IKBKE: variants seen among roughly 807,000 people sequenced by gnomAD.
The protein encoded by IKBKE is inhibitor of nuclear factor kappa B kinase subunit epsilon, also known as inhibitor of nuclear factor kappa-B kinase subunit epsilon.
IKBKE carries 45 observed loss-of-function variants against 92.1 expected under a neutral mutation model. The ratio of observed to expected loss-of-function variants is 0.49; its 90% CI spans 0.38 to 0.63. The LOEUF (loss-of-function observed/expected upper bound fraction) is 0.63, where lower values mean the gene tolerates loss of function less well. IKBKE is among the 20% of genes least tolerant of loss of function. IKBKE has a pLI of 0.00. For missense variants in IKBKE, 700 were observed against 932.8 expected (o/e 0.75, Z 3.25); for synonymous variants, 374 against 380.3 (o/e 0.98, Z 0.19).
chr1:206,476,185 C>G lies in IKBKE; in HGVS notation c.363C>G (p.Ala121=), dbSNP rs1136841. The change falls in exon 6 of 22, where the codon GCC becomes GCG. Residue 121 remains alanine (A), a synonymous_variant. Transcript: ENST00000581977. This position sits in a 1 kb window ranked among gnomAD's most constrained non-coding sequence, Gnocchi z 5.1. ...GGCCTCCCCGTCTGTCCCCAGTGGC[C>G]GGCATGAACCACCTGCGGGAGAACG... The part of the protein sequence containing the change: ...EFLVVLRCVV[A]GMNHLRENGI... 6.2e-7 allele frequency: 1 copy of G among 1,613,920 alleles called. No individual in the cohort carries two copies. The highest frequency in any genetic ancestry group is 8.5e-7 in the Non-Finnish European group (1 of 1,180,000).
intron 21 of IKBKE, among the ~76,000 whole-genome samples, chr1:206,494,592 CTTTTTTTTTTTTTTTTTTTT>C (rs58971788): frequency 1.6e-5 from 1 of 63,900 alleles, no homozygotes; most frequent in Non-Finnish European, 3.0e-5. Flanking sequence ...AAAGTTCTTT[CTTTTTTTTTTTTTTTTTTTT>C]TTTTTTTTTG....
chr1:206,493,892 C>A, intron 20 of IKBKE, 28 bp from the exon 21 acceptor site: 1 of 1,607,450 alleles, frequency 6.2e-7, no homozygotes, highest in Non-Finnish European at 8.5e-7. Context: ...CCAGCCTCAG[C>A]CGCCTCTCCT....
At chr1:206,489,978 T>G (rs1475912881) in intron 16 of IKBKE, among the ~76,000 whole-genome samples, 1 of 152,174 alleles carries the variant, frequency 6.6e-6, no homozygotes, top group Non-Finnish European at 1.5e-5. Context: ...CTCTCTCGCA[T>G]GAGCCTCACG....
At position 206,476,164 on chromosome 1, in the gene IKBKE, T is replaced by C. The variant is rs781806453; in HGVS notation, c.359-17T>C. Reference sequence around the variant, plus strand: ...CCCCGACCAGAGCCAGCTAGTGGCCTCCCCGTCTGTCCCCAGTGGCCGGCA... The same window carrying C: ...CCCCGACCAGAGCCAGCTAGTGGCCCCCCCGTCTGTCCCCAGTGGCCGGCA... On this transcript the variant is annotated splice_polypyrimidine_tract_variant and intron_variant, in intron 5 of 21. Transcript: ENST00000581977. The surrounding 1 kb of genome is among the most constrained non-coding windows in gnomAD (Gnocchi z 5.1). 5.6e-6 allele frequency: 9 copies of C among 1,613,082 alleles called. No individual in the cohort carries two copies. Among genetic ancestry groups the C allele is most frequent in the Non-Finnish European group, 7.6e-6 (9 of 1,179,772 alleles).
intron 10 of IKBKE, 125 bp from the exon 11 acceptor site, chr1:206,479,745 G>T: frequency 3.9e-6 from 4 of 1,031,924 alleles, no homozygotes; most frequent in Non-Finnish European, 5.9e-6. Flanking sequence ...GGGAGGCTCA[G>T]GGTGAGTTGT....
At position 206,479,013 on chromosome 1, in the gene IKBKE, G is replaced by A; in HGVS notation, c.1063G>A (p.Glu355Lys). ...VAPRHQEYLFEGHLCVLEPSV... is the reference protein window; with the variant it reads ...VAPRHQEYLFKGHLCVLEPSV... ...CCCCCGACACCAGGAGTACCTCTTT[G>A]AGGGTCACCTCTGTGTCCTCGAGCC... Residue 355 changes from glutamate (E) to lysine (K), a missense_variant, in exon 10 of 22, where the codon GAG becomes AAG. By Grantham distance (56) the Glu-to-Lys change is moderately conservative. Coordinates refer to ENST00000581977, the MANE Select transcript of IKBKE (RefSeq NM_014002.4). 1 of 1,614,070 alleles carries A rather than the reference G, an allele frequency of 6.2e-7. No homozygotes were observed. The highest frequency in any genetic ancestry group is 1.1e-5 in the South Asian group (1 of 91,076).
chr1:206,478,016 C>A lies in IKBKE; in HGVS notation c.813-144C>A. ...CATCTGGTTGCTGGAACGAGTTCTTCCAGCTCTTCCTCCCCAACCCACCCT... is the reference window on the plus strand; with the variant it reads ...CATCTGGTTGCTGGAACGAGTTCTTACAGCTCTTCCTCCCCAACCCACCCT... On this transcript the variant is annotated intron_variant, in intron 8 of 21. Transcript: ENST00000581977. The surrounding 1 kb of genome is among the most constrained non-coding windows in gnomAD (Gnocchi z 4.8). 1.2e-6 allele frequency: 1 copy of A among 830,706 alleles called. No individual in the cohort carries two copies. Among genetic ancestry groups the A allele is most frequent in the South Asian group, 1.6e-5 (1 of 60,780 alleles). 51.5% of individuals were successfully genotyped at this position (830,706 alleles called of 1,614,324 possible).
chr1:206,479,838 G>A (rs782254942), intron 10 of IKBKE, 32 bp from the exon 11 acceptor site: 1 of 1,610,936 alleles, frequency 6.2e-7, no homozygotes, highest in Non-Finnish European at 8.5e-7. Flanking sequence ...CACCATACAG[G>A]CAGGCCCCTC....
intron 2 of IKBKE, among the ~76,000 whole-genome samples, chr1:206,472,583 A>ACT (rs150328201): frequency 0.27 from 40,072 of 146,554 alleles, 5,920 homozygotes; most frequent in Non-Finnish European, 0.35. Flanking sequence ...ACACACACAC[A>ACT]CTCTCACACA....
chr1:206,492,516 G>T (rs781862896), intron 18 of IKBKE: 21 of 471,270 alleles, frequency 4.5e-5, no homozygotes, highest in Non-Finnish European at 8.4e-5. Context: ...TTGGATGTCA[G>T]TGTAGTACAG....
chr1:206,493,251 A>G lies in IKBKE; in HGVS notation c.1933-15A>G, dbSNP rs17024884. The G allele has an allele frequency of 5.2e-3, 8,380 of 1,609,204 alleles. 125 individuals are homozygous for G. In the African/African-American group the frequency reaches 0.057, roughly 11 times the overall value. On this transcript the variant is annotated splice_polypyrimidine_tract_variant and intron_variant, in intron 19 of 21. Coordinates refer to ENST00000581977, the MANE Select transcript of IKBKE (RefSeq NM_014002.4). ...CTGGCTACTAATTGCTGACCAAAGTATGGCTTCCCTGCAGCTCCTGGAAGA... is the reference window on the plus strand; with the variant it reads ...CTGGCTACTAATTGCTGACCAAAGTGTGGCTTCCCTGCAGCTCCTGGAAGA...
Position 206,485,033 on chromosome 1 carries a change from A to G in IKBKE, c.1464A>G (p.Glu488=). The part of the protein sequence containing the change: ...SSVAGTPEIQ[E]LKAAAELRSR... ...TGGCTGGAACGCCTGAGATCCAGGAACTGAAGGCGGCTGCAGAACTGAGGT... is the reference window on the plus strand; with the variant it reads ...TGGCTGGAACGCCTGAGATCCAGGAGCTGAAGGCGGCTGCAGAACTGAGGT... The change falls in exon 14 of 22, where the codon GAA becomes GAG. Residue 488 remains glutamate (E), a synonymous_variant. Coordinates refer to ENST00000581977, the MANE Select transcript of IKBKE (RefSeq NM_014002.4). This position sits in a 1 kb window ranked among gnomAD's most constrained non-coding sequence, Gnocchi z 5.0. The G allele has an allele frequency of 6.2e-7, 1 of 1,614,166 alleles. No homozygotes were observed. The highest frequency in any genetic ancestry group is 1.1e-5 in the South Asian group (1 of 91,082).
chr1:206,476,985 T>A lies in IKBKE; in HGVS notation c.701+147T>A. 1.2e-6 allele frequency: 1 copy of A among 822,832 alleles called. No homozygotes were observed. Among genetic ancestry groups the A allele is most frequent in the South Asian group, 1.8e-5 (1 of 56,014 alleles). 51.0% of individuals were successfully genotyped at this position (822,832 alleles called of 1,614,324 possible). On this transcript the variant is annotated intron_variant, in intron 7 of 21. Coordinates refer to ENST00000581977, the MANE Select transcript of IKBKE (RefSeq NM_014002.4). This position sits in a 1 kb window ranked among gnomAD's most constrained non-coding sequence, Gnocchi z 5.1. ...CAACCCAGGCTCTTTGTAGATCTTTTTTTGTTAATGGGATCAAACAAGCAG... is the reference window on the plus strand; with the variant it reads ...CAACCCAGGCTCTTTGTAGATCTTTATTTGTTAATGGGATCAAACAAGCAG...
rs782312470 is a variant in IKBKE, at chr1:206,479,862, G to C, written c.1184-8G>C. The C allele has an allele frequency of 1.2e-5, 19 of 1,613,616 alleles. No homozygotes were observed. The highest frequency in any genetic ancestry group is 1.5e-5 in the Non-Finnish European group (18 of 1,179,928). On this transcript the variant is annotated splice_polypyrimidine_tract_variant and splice_region_variant and intron_variant, in intron 10 of 21. Transcript: ENST00000581977. ...GGCAGGCCCCTCAGACAGGGTCTTT[G>C]TCTGCAGCTGCTCTGGACGTCCCCA...
In IKBKE at chr1:206,474,572, A is replaced by T; in HGVS notation, c.228+101A>T. The T allele has an allele frequency of 7.2e-6, 9 of 1,252,478 alleles. No homozygotes were observed. In the South Asian group the frequency reaches 1.0e-4, roughly 14 times the overall value. The allele number at this position is 1,252,478 out of a possible 1,614,324, so 77.6% of individuals were successfully genotyped here. On this transcript the variant is annotated intron_variant, in intron 4 of 21. Coordinates refer to ENST00000581977, the MANE Select transcript of IKBKE (RefSeq NM_014002.4). The stretch of plus-strand genomic sequence containing the variant: ...ACAGAGATTTGGTCCCATGCTCATC[A>T]GCAGGTCAGAGACAGCAGGCAAATT...
At position 206,478,114 on chromosome 1, in the gene IKBKE, G is replaced by C. The variant is rs782598078; in HGVS notation, c.813-46G>C. 1.3e-6 allele frequency: 2 copies of C among 1,551,202 alleles called. No homozygotes were observed. The highest frequency in any genetic ancestry group is 2.2e-5 in the South Asian group (2 of 89,172). ...TCCTATTGCCTGCTTAAGGAGGATA[G>C]GTCTGGGCCCCCACCCCTGACAGTC... On this transcript the variant is annotated intron_variant, in intron 8 of 21. Coordinates refer to ENST00000581977, the MANE Select transcript of IKBKE (RefSeq NM_014002.4). This position sits in a 1 kb window ranked among gnomAD's most constrained non-coding sequence, Gnocchi z 4.8.
chr1:206,491,170 C>G (rs1665933281), intron 17 of IKBKE: 2 of 466,080 alleles, frequency 4.3e-6, no homozygotes, highest in Non-Finnish European at 7.8e-6. Flanking sequence ...TGCCCTCTGC[C>G]TGAACCTTCC....
At chr1:206,473,128 G>A in intron 2 of IKBKE, 68 bp from the exon 3 acceptor site, 2 of 896,968 alleles carry the variant, frequency 2.2e-6, no homozygotes, top group Non-Finnish European at 1.8e-6. Context: ...ACAGTTACAG[G>A]TCAGGCCACC....
intron 13 of IKBKE, among the ~76,000 whole-genome samples, chr1:206,481,008 G>A (rs1172116862): frequency 6.6e-6 from 1 of 151,996 alleles, no homozygotes; most frequent in African/African-American, 2.4e-5. Flanking sequence ...TGCCTTCCTT[G>A]GGTTCCCTGC....
Sources: gnomAD v4.1 joint callset for allele counts (sites outside exome capture counted in the v4.1 genomes callset) on GRCh38, gnomAD v4.1.1 for gene constraint, Gnocchi (gnomAD v3.1) non-coding constraint, MANE v1.5 for transcripts, NCBI Gene and HGNC (gene_info 2026-07-23, HGNC 2026-07-21) for gene names.